Variants in ZNF429 observed in about 807,000 individuals in gnomAD.
The protein encoded by ZNF429 is zinc finger protein 429.
In ZNF429, 53 loss-of-function variants were observed where a neutral mutation model predicts 56.8. The observed-to-expected ratio is 0.93, with a 90% CI of 0.75 to 1.17. The LOEUF (loss-of-function observed/expected upper bound fraction) is 1.17, where lower values mean the gene tolerates loss of function less well. Among genes scored for constraint, ZNF429 ranks in the 50% most tolerant of loss-of-function variants. The probability of loss-of-function intolerance (pLI) is 0.00; values close to 1 mark genes in which losing one functional copy is unlikely to be tolerated. For missense variants in ZNF429, 849 were observed against 788.4 expected, an observed-to-expected ratio of 1.08 and a Z score of -0.92; for synonymous variants, 278 against 264.7, an observed-to-expected ratio of 1.05 and a Z score of -0.49.
rs2033773929 is a variant in ZNF429 at position 21,537,877 on chromosome 19, TACTC to T, written c.1826_1829del (p.Thr609AsnfsTer74). ...AAGCTTTTAATCGGTCCTCAAGACT[TACTC>T]AACATAAGAAAATTCATACTAGAGA... On this transcript the variant is annotated frameshift_variant, in exon 4 of 4. Transcript: ENST00000358491. LOFTEE classifies it high-confidence loss of function. The T allele has an allele frequency of 6.2e-7, 1 of 1,614,016 alleles. No homozygotes were observed. Among genetic ancestry groups the T allele is most frequent in the African/African-American group, 1.3e-5 (1 of 75,008 alleles).
chr19:21,537,642 T>C lies in ZNF429; in HGVS notation c.1589T>C (p.Ile530Thr). 6.2e-7 allele frequency: 1 copy of C among 1,613,230 alleles called. No homozygotes were observed. Among genetic ancestry groups the C allele is most frequent in the South Asian group, 1.1e-5 (1 of 91,032 alleles). Reference sequence around the variant, plus strand: ...TCAAGACTTACTCAACATAAGAAAATTCATACTGGAGAGAAACCTTACAAA... The same window carrying C: ...TCAAGACTTACTCAACATAAGAAAACTCATACTGGAGAGAAACCTTACAAA... ...LSSRLTQHKK[I>T]HTGEKPYKCE... Residue 530 changes from isoleucine to threonine, a missense_variant, in exon 4 of 4, where the codon ATT (isoleucine) becomes ACT (threonine). Physicochemically the swap from Ile to Thr is moderately conservative, Grantham distance 89. Coordinates refer to ENST00000358491, the MANE Select transcript of ZNF429 (RefSeq NM_001001415.4).
chr19:21,517,781 C>T (rs962945205), intron 1 of ZNF429, among the ~76,000 whole-genome samples: 8 of 150,718 alleles, frequency 5.3e-5, no homozygotes, highest in Non-Finnish European at 1.0e-4. Context: ...GTAGTAATGA[C>T]CCTTTTGTCA....
chr19:21,519,907 G>C (rs1212971707), intron 1 of ZNF429, among the ~76,000 whole-genome samples: 1 of 151,292 alleles, frequency 6.6e-6, no homozygotes, highest in African/African-American at 2.4e-5. Context: ...TGTTGCCCGG[G>C]CTGGAGTGCA....
At chr19:21,526,675 A>G (rs976196144) in intron 1 of ZNF429, among the ~76,000 whole-genome samples, 1 of 152,260 alleles carries the variant, frequency 6.6e-6, no homozygotes, top group Non-Finnish European at 1.5e-5. Context: ...ACTGTGCACT[A>G]TAACCCATAC....
At chr19:21,521,850 T>G (rs1217373561) in intron 1 of ZNF429, 1 of 152,254 alleles carries the variant, frequency 6.6e-6, no homozygotes, top group Non-Finnish European at 1.5e-5. Context: ...CCCATTATTA[T>G]GAAGGCACAA....
At position 21,505,725 on chromosome 19, in the gene ZNF429, T is replaced by C. The variant is rs1423626976; in HGVS notation, c.-47T>C. 1 of 1,601,576 alleles carries C rather than the reference T, an allele frequency of 6.2e-7. No homozygotes were observed. Among genetic ancestry groups the C allele is most frequent in the Non-Finnish European group, 8.5e-7 (1 of 1,171,682 alleles). On this transcript the variant is annotated 5_prime_UTR_variant, in exon 1 of 4. Coordinates refer to ENST00000358491, the MANE Select transcript of ZNF429 (RefSeq NM_001001415.4). ...TGTGTGGCCCTGTGACCCGCAGATA[T>C]TGGGAGATACACAGCTAAGACTCCA...
chr19:21,529,631 C>T, intron 1 of ZNF429, 27 bp from the exon 2 acceptor site: 1 of 1,486,982 alleles, frequency 6.7e-7, no homozygotes, highest in East Asian at 2.5e-5. Flanking sequence ...CTTTCTCTCT[C>T]CTTCTGTTGG....
At chr19:21,525,658 A>G (rs1230679074) in intron 1 of ZNF429, among the ~76,000 whole-genome samples, 16 of 152,238 alleles carry the variant, frequency 1.1e-4, no homozygotes, top group Admixed American at 7.2e-4. Context: ...TATTAAAATC[A>G]GTGCTTACCA....
chr19:21,534,731 A>G, intron 3 of ZNF429, among the ~76,000 whole-genome samples: 4 of 151,998 alleles, frequency 2.6e-5, no homozygotes, highest in African/African-American at 7.2e-5. Context: ...GGTGCAAATA[A>G]GGATATTTTG....
intron 1 of ZNF429, among the ~76,000 whole-genome samples, chr19:21,511,781 G>GCCTCCCT (rs1425965585): frequency 6.6e-6 from 1 of 152,114 alleles, no homozygotes; most frequent in Non-Finnish European, 1.5e-5. Context: ...CTCCAGCCTG[G>GCCTCCCT]GCACCATTGA....
chr19:21,510,042 G>A (rs887030310), intron 1 of ZNF429, among the ~76,000 whole-genome samples: 1 of 152,028 alleles, frequency 6.6e-6, no homozygotes, highest in African/African-American at 2.4e-5. Flanking sequence ...CCAAGTAGCT[G>A]GGATTACAGG....
intron 3 of ZNF429, among the ~76,000 whole-genome samples, chr19:21,531,886 A>G: frequency 1.3e-5 from 2 of 152,180 alleles, no homozygotes; most frequent in Admixed American, 6.5e-5. Flanking sequence ...TCTGACATTA[A>G]AAAACCATAA....
chr19:21,507,243 C>T (rs1330830805), intron 1 of ZNF429, among the ~76,000 whole-genome samples: 1 of 152,168 alleles, frequency 6.6e-6, no homozygotes, highest in Non-Finnish European at 1.5e-5. Flanking sequence ...CAGCCTAACT[C>T]TGGCTTGCAG....
chr19:21,518,226 T>C (rs796922539), intron 1 of ZNF429, among the ~76,000 whole-genome samples: 14,276 of 104,544 alleles, frequency 0.14, no homozygotes, highest in East Asian at 0.16. Flanking sequence ...TCTGATCTGA[T>C]TTTGGTTATT....
chr19:21,536,757 G>T lies in ZNF429; in HGVS notation c.704G>T (p.Gly235Val), dbSNP rs776062833. 5.6e-6 allele frequency: 9 copies of T among 1,613,904 alleles called. No homozygotes were observed. The South Asian group carries it at 7.7e-5, about 14-fold the overall frequency. The change falls in exon 4 of 4, where the codon GGC becomes GTC. Residue 235 changes from glycine (G) to valine (V), a missense_variant. By Grantham distance (109) the Gly-to-Val change is moderately radical. Transcript: ENST00000358491. ...AAACACTACAGATGTGAAGAATGTG[G>T]CAAAGCATTTAACCACTACTCAACC... The part of the protein sequence containing the change: ...GEKHYRCEEC[G>V]KAFNHYSTLT...
chr19:21,507,480 G>T (rs1045569465), intron 1 of ZNF429: 1 of 152,102 alleles, frequency 6.6e-6, no homozygotes. Flanking sequence ...ACACTGTATT[G>T]TAAAAAAATC....
intron 3 of ZNF429, among the ~76,000 whole-genome samples, chr19:21,535,429 T>C: frequency 3.0e-4 from 3 of 10,114 alleles, no homozygotes; most frequent in African/African-American, 1.5e-3. Context: ...TCTTTCTTTC[T>C]TTCTTTCTTT....
intron 1 of ZNF429, among the ~76,000 whole-genome samples, chr19:21,507,015 A>G (rs1185498876): frequency 1.3e-5 from 2 of 152,034 alleles, no homozygotes; most frequent in Non-Finnish European, 2.9e-5. Context: ...TGATCCGCCC[A>G]TCTCGGCCTC....
intron 3 of ZNF429, among the ~76,000 whole-genome samples, chr19:21,532,919 A>T: frequency 6.6e-6 from 1 of 152,176 alleles, no homozygotes; most frequent in African/African-American, 2.4e-5. Context: ...GCTGGTCTTG[A>T]ACTCCTGACA....
Sources: gnomAD v4.1 joint callset for allele counts (sites outside exome capture counted in the v4.1 genomes callset) on GRCh38, gnomAD v4.1.1 for gene constraint, MANE v1.5 for transcripts, NCBI Gene and HGNC (gene_info 2026-07-23, HGNC 2026-07-21) for gene names.